MAGI1: variants seen among roughly 807,000 people sequenced by gnomAD.
MAGI1 encodes membrane-associated guanylate kinase, WW and PDZ domain-containing protein 1.
A neutral mutation model predicts 139.9 loss-of-function variants in MAGI1; 58 were observed. That is an observed-to-expected ratio of 0.41 (90% confidence interval 0.34 to 0.52). The LOEUF (loss-of-function observed/expected upper bound fraction) is 0.52, where lower values mean the gene tolerates loss of function less well. Among genes scored for constraint, MAGI1 ranks in the 20% least tolerant of loss-of-function variants. The pLI is 0.12. For synonymous variants in MAGI1, 812 were observed against 737.9 expected (o/e 1.10, Z -1.63); for missense variants, 1,874 against 1,901.6 (o/e 0.99, Z 0.27).
chr3:65,748,236 C>T (rs1160223091), intron 1 of MAGI1, among the ~76,000 whole-genome samples: 1 of 152,104 alleles, frequency 6.6e-6, no homozygotes, highest in Admixed American at 6.6e-5. Context: ...ATTTTAATAT[C>T]TATTAGGTAA....
intron 2 of MAGI1, among the ~76,000 whole-genome samples, chr3:65,604,151 G>A (rs184458931): frequency 7.9e-4 from 120 of 151,330 alleles, no homozygotes; most frequent in African/African-American, 2.1e-3. Context: ...AGAAAACTAC[G>A]GCATTAAATA....
chr3:65,914,883 A>G (rs1160528691), intron 1 of MAGI1, among the ~76,000 whole-genome samples: 11 of 152,184 alleles, frequency 7.2e-5, no homozygotes, highest in Admixed American at 5.2e-4. Flanking sequence ...CTGAGCATCA[A>G]CTTCCCCATC....
chr3:65,914,215 C>T (rs1339141156), intron 1 of MAGI1: 3 of 152,104 alleles, frequency 2.0e-5, no homozygotes, highest in Non-Finnish European at 4.4e-5. Flanking sequence ...ATAAACCCGG[C>T]GGGGACTTCT....
At chr3:65,504,106 T>G (rs1276646806) in intron 2 of MAGI1, among the ~76,000 whole-genome samples, 3 of 152,204 alleles carry the variant, frequency 2.0e-5, no homozygotes, top group Admixed American at 2.0e-4. Flanking sequence ...AAGGAGCTGA[T>G]GTAAGAAGAA....
At chr3:65,998,189 C>G (rs1171622155) in intron 1 of MAGI1, among the ~76,000 whole-genome samples, 2 of 151,974 alleles carry the variant, frequency 1.3e-5, no homozygotes, top group African/African-American at 4.8e-5. Context: ...CCTCCCCCAG[C>G]CTTCATGGGA....
chr3:65,465,396 T>C (rs115407666), intron 5 of MAGI1, among the ~76,000 whole-genome samples: 2,373 of 151,882 alleles, frequency 0.016, 71 homozygotes, highest in African/African-American at 0.054. Flanking sequence ...TTAGAGAACA[T>C]CCATTGGCCA....
Position 66,038,327 on chromosome 3 carries a change from T to A in MAGI1, c.-19A>T. 6.6e-7 allele frequency: 1 copy of A among 1,519,488 alleles called. No individual in the cohort carries two copies. Among genetic ancestry groups the A allele is most frequent in the Non-Finnish European group, 8.8e-7 (1 of 1,134,880 alleles). The allele number at this position is 1,519,488 out of a possible 1,614,324, so 94.1% of individuals were successfully genotyped here. On this transcript the variant is annotated 5_prime_UTR_variant, in exon 1 of 23. Transcript: ENST00000402939. ...TGGACATGATGAGTTACACCCCTCC[T>A]CCAAAAAAATAAAACGAGAGACAGG...
At position 65,604,478 on chromosome 3, in the gene MAGI1, C is replaced by T. The variant is rs1002092477; in HGVS notation, c.430+17494G>A. On this transcript the variant is annotated intron_variant, in intron 2 of 22. Transcript: ENST00000402939. Reference sequence around the variant, plus strand: ...GGGCCTAAAAATAATAACAGAGAAACGATATCAGAGTTGCTACTGTGGATG... The same window carrying T: ...GGGCCTAAAAATAATAACAGAGAAATGATATCAGAGTTGCTACTGTGGATG... Among the ~76,000 whole-genome samples, 14 of 152,050 alleles carry T rather than the reference C, an allele frequency of 9.2e-5. No homozygotes were observed. In the South Asian group the frequency reaches 1.0e-3, roughly 11 times the overall value.
chr3:65,461,455 T>G lies in MAGI1; in HGVS notation c.960-8115A>C, dbSNP rs1050376324. On this transcript the variant is annotated intron_variant, in intron 5 of 22. Transcript: ENST00000402939. ...TGGTCTCGATCTCCTGACCTCATGA[T>G]CCGCCCATCTTGGCCTCCCAATGTT... Among the ~76,000 whole-genome samples the G allele has an allele frequency of 2.0e-5, 3 of 148,244 alleles. No homozygotes were observed. In the South Asian group the frequency reaches 6.5e-4, roughly 32 times the overall value.
chr3:65,567,204 T>A (rs1057147194), intron 2 of MAGI1, among the ~76,000 whole-genome samples: 10 of 152,118 alleles, frequency 6.6e-5, no homozygotes, highest in Non-Finnish European at 1.2e-4. Flanking sequence ...GAGCTTTTTT[T>A]AGATATATTA....
intron 1 of MAGI1, among the ~76,000 whole-genome samples, chr3:65,770,746 T>C (rs1256232783): frequency 6.6e-6 from 1 of 152,116 alleles, no homozygotes; most frequent in Non-Finnish European, 1.5e-5. Flanking sequence ...TGGAGTGCAG[T>C]GGCACAATCT....
intron 1 of MAGI1, among the ~76,000 whole-genome samples, chr3:65,948,000 G>T (rs1183634745): frequency 7.1e-6 from 1 of 141,266 alleles, no homozygotes; most frequent in Non-Finnish European, 1.5e-5. Flanking sequence ...AGAGTGCACT[G>T]GTACGATCTT....
chr3:65,656,162 GA>G (rs573188687), intron 1 of MAGI1, among the ~76,000 whole-genome samples: 27 of 146,526 alleles, frequency 1.8e-4, no homozygotes, highest in Non-Finnish European at 2.4e-4. Context: ...TGTTAAATTT[GA>G]AAAAAAAAAA....
At chr3:65,491,693 GC>G (rs1952046263) in intron 3 of MAGI1, among the ~76,000 whole-genome samples, 1 of 147,158 alleles carries the variant, frequency 6.8e-6, no homozygotes, top group Admixed American at 6.9e-5. Flanking sequence ...CCTTCCCGCA[GC>G]CCCCCTCCCT....
rs532188627 is a variant in MAGI1 at position 65,417,566 on chromosome 3, C to T, written c.2167+11954G>A. Among the ~76,000 whole-genome samples, 12 of 151,498 alleles carry T rather than the reference C, an allele frequency of 7.9e-5. No homozygotes were observed. In the South Asian group the frequency reaches 2.5e-3, roughly 32 times the overall value. The stretch of plus-strand genomic sequence containing the variant: ...TAAACCAAAAAGAAAAGAAAAGTTG[C>T]CAGTTACTGGGATTTTGAGATGATG... On this transcript the variant is annotated intron_variant, in intron 12 of 22. Coordinates refer to ENST00000402939, the MANE Select transcript of MAGI1 (RefSeq NM_001033057.2).
chr3:65,475,607 A>G (rs1052172117), intron 4 of MAGI1, among the ~76,000 whole-genome samples: 8 of 152,172 alleles, frequency 5.3e-5, no homozygotes, highest in Non-Finnish European at 1.0e-4. Context: ...CTCTACCTTC[A>G]TTAAGCCCAC....
intron 1 of MAGI1, among the ~76,000 whole-genome samples, chr3:65,771,222 G>A (rs78416627): frequency 0.27 from 40,873 of 151,288 alleles, 6,648 homozygotes; most frequent in Non-Finnish European, 0.39. Context: ...CAGAAGAATC[G>A]CTTGAACCCA....
Position 65,356,318 on chromosome 3 carries a change from G to C in MAGI1, c.*60C>G, listed in dbSNP as rs1940190148. 2 of 1,479,148 alleles carry C rather than the reference G, an allele frequency of 1.4e-6. No homozygotes were observed. The highest frequency in any genetic ancestry group is 1.8e-6 in the Non-Finnish European group (2 of 1,117,190). 91.6% of individuals were successfully genotyped at this position (1,479,148 alleles called of 1,614,324 possible). A position where few individuals can be genotyped will look rare whatever the true frequency, so the allele number is the denominator to read the frequency against. ...TAGGTAAGAAACTAAATAATTTCAG[G>C]TTTGTGACTTTCCTCTTAGAACCTT... On this transcript the variant is annotated 3_prime_UTR_variant, in exon 23 of 23. Coordinates refer to ENST00000402939, the MANE Select transcript of MAGI1 (RefSeq NM_001033057.2).
intron 1 of MAGI1, among the ~76,000 whole-genome samples, chr3:65,652,870 G>A (rs1232715799): frequency 6.6e-6 from 1 of 152,098 alleles, no homozygotes; most frequent in East Asian, 1.9e-4. Context: ...AATTATTATG[G>A]GGCATACCTG....
Sources: allele counts gnomAD v4.1 joint callset (sites outside exome capture counted in the v4.1 genomes callset), GRCh38; gene constraint gnomAD v4.1.1; transcripts MANE v1.5; gene names NCBI Gene and HGNC (gene_info 2026-07-23, HGNC 2026-07-21).